The following NMNAT2 variants were observed in gnomAD, a reference collection of about 807,000 sequenced individuals.
NMNAT2 encodes nicotinamide/nicotinic acid mononucleotide adenylyltransferase 2.
In NMNAT2, 11 loss-of-function variants were observed where a neutral mutation model predicts 41.6. The ratio of observed to expected loss-of-function variants is 0.26; its 90% CI spans 0.17 to 0.44. NMNAT2 has a LOEUF of 0.44. Among genes scored for constraint, NMNAT2 ranks in the 20% least tolerant of loss-of-function variants. The probability of loss-of-function intolerance (pLI) is 1.00; values close to 1 mark genes in which losing one functional copy is unlikely to be tolerated. For missense variants in NMNAT2, 288 were observed against 407.7 expected (o/e 0.71, Z 2.53); for synonymous variants, 148 against 151.2 (o/e 0.98, Z 0.16).
intron 1 of NMNAT2, among the ~76,000 whole-genome samples, chr1:183,408,256 TTC>T (rs1212252936): frequency 6.6e-6 from 1 of 152,190 alleles, no homozygotes; most frequent in East Asian, 1.9e-4. Context: ...TCCATAAAGT[TTC>T]TGTCACAACC....
chr1:183,389,585 G>C (rs1273407823), intron 1 of NMNAT2, among the ~76,000 whole-genome samples: 1 of 151,250 alleles, frequency 6.6e-6, no homozygotes, highest in African/African-American at 2.4e-5. Flanking sequence ...AAAGAGGTTA[G>C]ATTAGCAGGG....
At chr1:183,380,888 C>T (rs1000436900) in intron 1 of NMNAT2, among the ~76,000 whole-genome samples, 1 of 152,054 alleles carries the variant, frequency 6.6e-6, no homozygotes, top group African/African-American at 2.4e-5. Context: ...CATTGTTGTG[C>T]AGGTAATTGG....
intron 8 of NMNAT2, among the ~76,000 whole-genome samples, chr1:183,263,589 C>T (rs758394853): frequency 1.3e-5 from 2 of 152,142 alleles, no homozygotes; most frequent in Non-Finnish European, 2.9e-5. Context: ...GAGGCCAAGG[C>T]GGGTGGATCA....
chr1:183,390,718 C>T (rs992240870), intron 1 of NMNAT2, among the ~76,000 whole-genome samples: 6 of 152,142 alleles, frequency 3.9e-5, no homozygotes, highest in Admixed American at 3.9e-4. Flanking sequence ...ATGAAAGAAA[C>T]AAGTAATTCC....
intron 1 of NMNAT2, among the ~76,000 whole-genome samples, chr1:183,354,904 C>T (rs1293207534): frequency 2.6e-5 from 4 of 152,204 alleles, no homozygotes; most frequent in African/African-American, 7.2e-5. Flanking sequence ...TTTTGCTTCT[C>T]TCCAACACAT....
intron 4 of NMNAT2, among the ~76,000 whole-genome samples, chr1:183,289,262 A>G (rs903108526): frequency 6.6e-6 from 1 of 152,204 alleles, no homozygotes; most frequent in African/African-American, 2.4e-5. Flanking sequence ...GGCGAGCAGA[A>G]TTGACTGTTT....
At chr1:183,341,701 AGG>A (rs1662808635) in intron 1 of NMNAT2, among the ~76,000 whole-genome samples, 1 of 87,388 alleles carries the variant, frequency 1.1e-5, no homozygotes, top group African/African-American at 4.1e-5. Flanking sequence ...AGAGAGAGAG[AGG>A]AAAAGACAAA....
chr1:183,363,472 A>T (rs1663346809), intron 1 of NMNAT2, among the ~76,000 whole-genome samples: 1 of 152,070 alleles, frequency 6.6e-6, no homozygotes, highest in African/African-American at 2.4e-5. Context: ...GCTGTATTTG[A>T]TTCTAGCAGA....
At chr1:183,396,787 CAA>C (rs1648663276) in intron 1 of NMNAT2, among the ~76,000 whole-genome samples, 1 of 152,168 alleles carries the variant, frequency 6.6e-6, no homozygotes, top group East Asian at 1.9e-4. Context: ...AGATTTTAAA[CAA>C]ACTTTCTCCT....
At chr1:183,395,387 G>A (rs1292725816) in intron 1 of NMNAT2, among the ~76,000 whole-genome samples, 1 of 151,808 alleles carries the variant, frequency 6.6e-6, no homozygotes, top group Non-Finnish European at 1.5e-5. Context: ...AGATAAGTCG[G>A]GGGCAGGGGA....
intron 1 of NMNAT2, among the ~76,000 whole-genome samples, chr1:183,379,999 C>T (rs1434075858): frequency 1.3e-5 from 2 of 152,188 alleles, no homozygotes; most frequent in Non-Finnish European, 2.9e-5. Flanking sequence ...CGATGTTCTG[C>T]CAGCAACTTT....
intron 1 of NMNAT2, among the ~76,000 whole-genome samples, chr1:183,294,470 A>G (rs527873598): frequency 1.3e-5 from 2 of 152,360 alleles, no homozygotes; most frequent in South Asian, 2.1e-4. Context: ...GTCTGGTTCT[A>G]TCTTACTTCC....
intron 7 of NMNAT2, among the ~76,000 whole-genome samples, chr1:183,280,797 T>TTTTTTTTA (rs1661246573): frequency 1.4e-5 from 2 of 142,530 alleles, no homozygotes; most frequent in African/African-American, 5.3e-5. Context: ...TTTTTTTTTT[T>TTTTTTTTA]TTTTGAGATG....
chr1:183,338,223 A>G (rs199658635), intron 1 of NMNAT2, among the ~76,000 whole-genome samples: 2 of 150,068 alleles, frequency 1.3e-5, no homozygotes, highest in African/African-American at 2.5e-5. Context: ...CAGATCATTA[A>G]CCGTGAGGCA....
intron 8 of NMNAT2, among the ~76,000 whole-genome samples, chr1:183,275,275 C>T (rs1558113316): frequency 6.6e-6 from 1 of 152,034 alleles, no homozygotes. Context: ...CATGATATTT[C>T]CGGCACACCT....
chr1:183,414,981 G>GA (rs149575171), intron 1 of NMNAT2, among the ~76,000 whole-genome samples: 1 of 151,932 alleles, frequency 6.6e-6, no homozygotes, highest in Non-Finnish European at 1.5e-5. Context: ...AAGAAAGCTT[G>GA]AAAAAAAATT....
chr1:183,393,893 G>A (rs1391539051), intron 1 of NMNAT2, among the ~76,000 whole-genome samples: 1 of 152,182 alleles, frequency 6.6e-6, no homozygotes, highest in Non-Finnish European at 1.5e-5. Context: ...TTAACTGAGT[G>A]CTTCCCAGAT....
chr1:183,359,146 A>G (rs114843805), intron 1 of NMNAT2, among the ~76,000 whole-genome samples: 194 of 152,060 alleles, frequency 1.3e-3, no homozygotes, highest in South Asian at 7.5e-3. Flanking sequence ...AGTTGATTTT[A>G]TGTAATTTTA....
intron 1 of NMNAT2, among the ~76,000 whole-genome samples, chr1:183,296,969 C>A (rs575692172): frequency 2.0e-5 from 3 of 152,134 alleles, no homozygotes; most frequent in African/African-American, 7.2e-5. Context: ...CGCTCCTCTT[C>A]GGGGTCATTT....
Sources: allele counts gnomAD v4.1 joint callset (sites outside exome capture counted in the v4.1 genomes callset), GRCh38; gene constraint gnomAD v4.1.1; transcripts MANE v1.5; gene names NCBI Gene and HGNC (gene_info 2026-07-23, HGNC 2026-07-21).